The following NR2F1 variants were observed in gnomAD, a reference collection of about 807,000 sequenced individuals.
The protein encoded by NR2F1 is nuclear receptor subfamily 2 group F member 1, also known as COUP transcription factor 1.
A neutral mutation model predicts 37.7 loss-of-function variants in NR2F1; 1 was observed. The observed-to-expected ratio is 0.03, with a 90% CI of 0.01 to 0.13. The LOEUF is 0.13. NR2F1 is among the 10% of genes least tolerant of loss of function. The probability of loss-of-function intolerance (pLI) is 1.00; values close to 1 mark genes in which losing one functional copy is unlikely to be tolerated. For synonymous variants in NR2F1, 275 were observed against 259.6 expected, an observed-to-expected ratio of 1.06 and a Z score of -0.57; for missense variants, 268 against 578.4, an observed-to-expected ratio of 0.46 and a Z score of 5.50.
In NR2F1 at chr5:93,588,463, G is replaced by C; in HGVS notation, c.991+19G>C. ...ACGTCAGGTGAGGCTGCGGTCGCGG[G>C]GAGGGCAGGCCGCGCCGGCAGCGAG... On this transcript the variant is annotated intron_variant, in intron 2 of 2. Transcript: ENST00000327111. 8.5e-6 allele frequency: 13 copies of C among 1,526,630 alleles called. No homozygotes were observed. The highest frequency in any genetic ancestry group is 1.1e-5 in the Non-Finnish European group (13 of 1,133,808). 94.6% of individuals were successfully genotyped at this position (1,526,630 alleles called of 1,614,324 possible).
At position 93,589,569 on chromosome 5, in the gene NR2F1, C is replaced by T. The variant is rs1580361172; in HGVS notation, c.991+1125C>T. On this transcript the variant is annotated intron_variant, in intron 2 of 2. Coordinates refer to ENST00000327111, the MANE Select transcript of NR2F1 (RefSeq NM_005654.6). The stretch of plus-strand genomic sequence containing the variant: ...TTATTGGCAGTATTGTTTTTAATTC[C>T]TCCATTCGGAGAACAAATAAACCAT... Among the ~76,000 whole-genome samples the T allele has an allele frequency of 2.0e-5, 3 of 152,240 alleles. No individual in the cohort carries two copies. In the East Asian group the frequency reaches 5.8e-4, roughly 29 times the overall value.
rs1753264927 is a variant in NR2F1 at position 93,588,189 on chromosome 5, A to G, written c.736A>G (p.Thr246Ala). 1.9e-6 allele frequency: 3 copies of G among 1,613,914 alleles called. No homozygotes were observed. In the South Asian group the frequency reaches 3.3e-5, roughly 18 times the overall value. Residue 246 changes from threonine (T) to alanine (A), a missense_variant, in exon 2 of 3, where the codon ACC becomes GCC. Around this residue, in one of 5 missense-constraint regions of NR2F1, gnomAD observed 21 missense variants for 94.5 expected, o/e 0.22. Transcript: ENST00000327111. ...CCCCTTCTTCCCGGATCTGCAGATCACCGACCAGGTGTCCCTGCTACGCCT... is the reference window on the plus strand; with the variant it reads ...CCCCTTCTTCCCGGATCTGCAGATCGCCGACCAGGTGTCCCTGCTACGCCT... Reference protein sequence around the residue: ...NIPFFPDLQITDQVSLLRLTW... With the variant: ...NIPFFPDLQIADQVSLLRLTW...
rs114493533 is a variant in NR2F1 at position 93,593,125 on chromosome 5, C to T, written c.992-437C>T. On this transcript the variant is annotated intron_variant, in intron 2 of 2. Coordinates refer to ENST00000327111, the MANE Select transcript of NR2F1 (RefSeq NM_005654.6). The surrounding 1 kb of genome is among the most constrained non-coding windows in gnomAD (Gnocchi z 5.6). ...TATTTCCTAAGGGGTACTGAACACCCCCAGATCAGAGGCAAATGGGGCAAA... is the reference window on the plus strand; with the variant it reads ...TATTTCCTAAGGGGTACTGAACACCTCCAGATCAGAGGCAAATGGGGCAAA... 6.5e-3 allele frequency among the ~76,000 whole-genome samples: 990 copies of T among 152,230 alleles called. 12 individuals carry two copies. Among genetic ancestry groups the T allele is most frequent in the Non-Finnish European group, 0.01 (709 of 68,028 alleles).
Position 93,588,245 on chromosome 5 carries a change from G to T in NR2F1, c.792G>T (p.Ala264=). The stretch of plus-strand genomic sequence containing the variant: ...GGAGCGAGCTGTTCGTGCTCAACGC[G>T]GCCCAGTGCTCTATGCCGCTGCACG... ...LTWSELFVLN[A]AQCSMPLHVA... The change falls in exon 2 of 3, where the codon GCG becomes GCT. Residue 264 remains alanine, a synonymous_variant. Coordinates refer to ENST00000327111, the MANE Select transcript of NR2F1 (RefSeq NM_005654.6). The T allele has an allele frequency of 5.0e-6, 8 of 1,613,862 alleles. No individual in the cohort carries two copies. The highest frequency in any genetic ancestry group is 6.8e-6 in the Non-Finnish European group (8 of 1,179,968).
chr5:93,588,538 CG>C, intron 2 of NR2F1, 94 bp downstream of exon 2: 1 of 859,740 alleles, frequency 1.2e-6, no homozygotes, highest in Non-Finnish European at 1.4e-6. Flanking sequence ...CCCGCGCGGC[CG>C]GTGCGGGGCG....
At position 93,584,079 on chromosome 5, in the gene NR2F1, C is replaced by G. The variant is rs1212130710; in HGVS notation, c.-945C>G. ...CCCGACACCCGCGCGCCCTGATCGC[C>G]GGCGGCAGCCTCGCCCAGCGCCCTG... On this transcript the variant is annotated 5_prime_UTR_variant, in exon 1 of 3. Transcript: ENST00000327111. The G allele has an allele frequency of 6.6e-6, 1 of 151,622 alleles. No homozygotes were observed. Among genetic ancestry groups the G allele is most frequent in the African/African-American group, 2.4e-5 (1 of 41,346 alleles). The allele number at this position is 151,622 out of a possible 1,614,324, so 9.4% of individuals were successfully genotyped here.
Position 93,593,047 on chromosome 5 carries a change from T to C in NR2F1, c.992-515T>C, listed in dbSNP as rs1477110169. On this transcript the variant is annotated intron_variant, in intron 2 of 2. Coordinates refer to ENST00000327111, the MANE Select transcript of NR2F1 (RefSeq NM_005654.6). The surrounding 1 kb of genome is among the most constrained non-coding windows in gnomAD (Gnocchi z 5.6). ...CCTGGAGGTTTCTGGTTGGGGTGGT[T>C]TGGGTTTGAGAGGGGACTCCAGGAA... is the stretch of plus-strand genomic sequence containing the variant. Among the ~76,000 whole-genome samples, 3 of 152,032 alleles carry C rather than the reference T, an allele frequency of 2.0e-5. No individual in the cohort carries two copies. The highest frequency in any genetic ancestry group is 6.5e-5 in the Admixed American group (1 of 15,270).
Position 93,583,300 on chromosome 5 carries a change from TCTC to T in NR2F1, c.-1723_-1721del, listed in dbSNP as rs1446740042. 1 of 149,848 alleles carries T rather than the reference TCTC, an allele frequency of 6.7e-6. No homozygotes were observed. The highest frequency in any genetic ancestry group is 1.5e-5 in the Non-Finnish European group (1 of 67,394). 9.3% of individuals were successfully genotyped at this position (149,848 alleles called of 1,614,324 possible). ...CTCTCTCTCTCTCTCTCTCTCTTCT[TCTC>T]TTCTCTCTCTCTCTCTCTCTCCTCT... On this transcript the variant is annotated 5_prime_UTR_variant, in exon 1 of 3. Coordinates refer to ENST00000327111, the MANE Select transcript of NR2F1 (RefSeq NM_005654.6).
At position 93,588,290 on chromosome 5, in the gene NR2F1, C is replaced by T. The variant is rs1480259690; in HGVS notation, c.837C>T (p.Ala279=). The T allele has an allele frequency of 1.2e-6, 2 of 1,613,108 alleles. No individual in the cohort carries two copies. The highest frequency in any genetic ancestry group is 1.7e-5 in the Admixed American group (1 of 59,976). Residue 279 remains alanine (A), a synonymous_variant, in exon 2 of 3, where the codon GCC becomes GCT. Transcript: ENST00000327111. ...TGCACGTGGCGCCGTTGCTGGCCGC[C>T]GCCGGCCTGCATGCCTCGCCCATGT... ...MPLHVAPLLA[A]AGLHASPMSA...
Position 93,588,077 on chromosome 5 carries a change from G to T in NR2F1, c.624G>T (p.Met208Ile). The T allele has an allele frequency of 6.2e-7, 1 of 1,614,144 alleles. No homozygotes were observed. The highest frequency in any genetic ancestry group is 8.5e-7 in the Non-Finnish European group (1 of 1,180,002). ...YPTSRYGSQC[M>I]QPNNIMGIEN... is the part of the protein sequence containing the mutation. ...CGTCGCGCTACGGCAGCCAGTGCAT[G>T]CAGCCCAACAACATTATGGGCATCG... is the stretch of plus-strand genomic sequence containing the variant. The change falls in exon 2 of 3, where the codon ATG becomes ATT. Residue 208 changes from methionine to isoleucine, a missense_variant. By Grantham distance (10) the Met-to-Ile change is conservative (BLOSUM62 1). Coordinates refer to ENST00000327111, the MANE Select transcript of NR2F1 (RefSeq NM_005654.6).
Position 93,594,420 on chromosome 5 carries a change from CT to C in NR2F1, c.*579del, listed in dbSNP as rs1273658147. 6 of 152,226 alleles carry C rather than the reference CT, an allele frequency of 3.9e-5. No homozygotes were observed. The highest frequency in any genetic ancestry group is 1.4e-4 in the African/African-American group (6 of 41,394). 9.4% of individuals were successfully genotyped at this position (152,226 alleles called of 1,614,324 possible). On this transcript the variant is annotated 3_prime_UTR_variant, in exon 3 of 3. Coordinates refer to ENST00000327111, the MANE Select transcript of NR2F1 (RefSeq NM_005654.6). ...TTCCAAATAATTATAAAAAATTGTC[CT>C]GTGTCTATGTATCTATATCTGTTTT...
Position 93,588,003 on chromosome 5 carries a change from T to C in NR2F1, c.550T>C (p.Tyr184His). 1 of 1,614,026 alleles carries C rather than the reference T, an allele frequency of 6.2e-7. No individual in the cohort carries two copies. Residue 184 changes from tyrosine to histidine, a missense_variant, in exon 2 of 3, where the codon TAC (tyrosine) becomes CAC (histidine). Physicochemically the swap from Tyr to His is moderately conservative, Grantham distance 83. Transcript: ENST00000327111. ...TNGDPLNGHC[Y>H]LSGYISLLLR... The stretch of plus-strand genomic sequence containing the variant: ...CGGGGACCCCCTCAACGGCCACTGC[T>C]ACCTGTCCGGCTACATCTCGCTGCT...
At chr5:93,586,410 TAA>T (rs34632264) in intron 1 of NR2F1, among the ~76,000 whole-genome samples, 5 of 151,142 alleles carry the variant, frequency 3.3e-5, no homozygotes, top group African/African-American at 1.2e-4. Context: ...TTGTTTTTTT[TAA>T]AAAAAAACAC....
intron 2 of NR2F1, among the ~76,000 whole-genome samples, chr5:93,590,767 C>T (rs1282347825): frequency 2.6e-5 from 4 of 152,202 alleles, no homozygotes; most frequent in African/African-American, 9.6e-5. Flanking sequence ...TTTGCTTTGG[C>T]TAAGTATTTG....
Position 93,593,868 on chromosome 5 carries a change from G to T in NR2F1, c.*26G>T. The stretch of plus-strand genomic sequence containing the variant: ...ACCTTGGGCGCTTCCCACCTGCCCC[G>T]TCCCCCTAGAGACTCAGAGGACCCA... On this transcript the variant is annotated 3_prime_UTR_variant, in exon 3 of 3. Coordinates refer to ENST00000327111, the MANE Select transcript of NR2F1 (RefSeq NM_005654.6). This position sits in a 1 kb window ranked among gnomAD's most constrained non-coding sequence, Gnocchi z 5.6. The T allele has an allele frequency of 1.2e-6, 2 of 1,604,180 alleles. No homozygotes were observed. Among genetic ancestry groups the T allele is most frequent in the East Asian group, 2.2e-5 (1 of 44,784 alleles).
rs756675459 is a variant in NR2F1, at chr5:93,588,171, T to C, written c.718T>C (p.Phe240Leu). Residue 240 changes from phenylalanine to leucine, a missense_variant, in exon 2 of 3, where the codon TTC (phenylalanine) becomes CTC (leucine). Physicochemically the swap from Phe to Leu is conservative, Grantham distance 22 (BLOSUM62 0). Around this residue, in one of 5 missense-constraint regions of NR2F1, gnomAD observed 21 missense variants for 94.5 expected, o/e 0.22. Coordinates refer to ENST00000327111, the MANE Select transcript of NR2F1 (RefSeq NM_005654.6). ...AVEWARNIPF[F>L]PDLQITDQVS... ...CGAGTGGGCCCGCAACATCCCCTTC[T>C]TCCCGGATCTGCAGATCACCGACCA... 1 of 1,614,042 alleles carries C rather than the reference T, an allele frequency of 6.2e-7. No homozygotes were observed.
chr5:93,586,988 T>C (rs1488326131), intron 1 of NR2F1: 1 of 151,878 alleles, frequency 6.6e-6, no homozygotes, highest in Non-Finnish European at 1.5e-5. Flanking sequence ...GTTGTCTTTG[T>C]TTATATGGCA....
In NR2F1 at chr5:93,593,964, G is replaced by T. The variant is rs2149946242; in HGVS notation, c.*122G>T. 4.6e-6 allele frequency: 4 copies of T among 870,294 alleles called. No homozygotes were observed. In the East Asian group the frequency reaches 1.0e-4, roughly 22 times the overall value. The allele number at this position is 870,294 out of a possible 1,614,324, so 53.9% of individuals were successfully genotyped here. On this transcript the variant is annotated 3_prime_UTR_variant, in exon 3 of 3. Transcript: ENST00000327111. The surrounding 1 kb of genome is among the most constrained non-coding windows in gnomAD (Gnocchi z 5.6). ...CGGGCCAGGCAGGCTGGGTGGGAGG[G>T]AGGAGGGCCGAGACAGGAGCAGCCC...
chr5:93,588,782 C>A (rs1753279780), intron 2 of NR2F1, among the ~76,000 whole-genome samples: 1 of 149,606 alleles, frequency 6.7e-6, no homozygotes, highest in Admixed American at 6.6e-5. Context: ...TGGCTGCGCG[C>A]GCGCGCGCGC....
Sources: allele counts gnomAD v4.1 joint callset (sites outside exome capture counted in the v4.1 genomes callset), GRCh38; gene constraint gnomAD v4.1.1; regional missense constraint gnomAD v4.1.1; non-coding constraint Gnocchi (gnomAD v3.1); transcripts MANE v1.5; gene names NCBI Gene and HGNC (gene_info 2026-07-23, HGNC 2026-07-21).